Variants in EAF2 observed in about 807,000 individuals in gnomAD.
EAF2 encodes the protein ELL-associated factor 2.
Under a neutral mutation model 29.4 loss-of-function variants are expected in EAF2, and 29 were observed. The observed-to-expected ratio is 0.99, with a 90% CI of 0.73 to 1.35. The LOEUF (loss-of-function observed/expected upper bound fraction) is 1.35, where lower values mean the gene tolerates loss of function less well. Ranked by LOEUF, EAF2 falls within the 40% of genes most tolerant of loss-of-function variation. The probability of loss-of-function intolerance (pLI) is 0.00; values close to 1 mark genes in which losing one functional copy is unlikely to be tolerated. For missense variants in EAF2, 292 were observed against 312.0 expected, an observed-to-expected ratio of 0.94 and a Z score of 0.48; for synonymous variants, 103 against 102.5, an observed-to-expected ratio of 1.00 and a Z score of -0.03.
intron 4 of EAF2, among the ~76,000 whole-genome samples, chr3:121,860,750 G>A (rs1423341542): frequency 6.6e-6 from 1 of 151,844 alleles, no homozygotes; most frequent in Non-Finnish European, 1.5e-5. Flanking sequence ...TTAGTTCTTT[G>A]ACTGGTGATG....
At chr3:121,874,666 T>G (rs879598715) in intron 5 of EAF2, among the ~76,000 whole-genome samples, 1 of 151,928 alleles carries the variant, frequency 6.6e-6, no homozygotes, top group Non-Finnish European at 1.5e-5. Flanking sequence ...TATTTTATAT[T>G]TTAGAATTTC....
intron 4 of EAF2, among the ~76,000 whole-genome samples, chr3:121,863,428 G>A (rs958178578): frequency 6.6e-6 from 1 of 152,186 alleles, no homozygotes; most frequent in African/African-American, 2.4e-5. Context: ...CCTCACTGCT[G>A]CCTTGCAGTT....
At chr3:121,859,357 T>C (rs1576646806) in intron 4 of EAF2, among the ~76,000 whole-genome samples, 2 of 152,144 alleles carry the variant, frequency 1.3e-5, no homozygotes, top group South Asian at 4.2e-4. Context: ...GAGCAGTGGT[T>C]TGTATTTCTG....
rs35521886 is a variant in EAF2, at chr3:121,840,189, GAAAAAAA to G, written c.107-4248_107-4242del. Among the ~76,000 whole-genome samples, 3 of 69,618 alleles carry G rather than the reference GAAAAAAA, an allele frequency of 4.3e-5. No homozygotes were observed. The Admixed American group carries it at 5.7e-4, about 13-fold the overall frequency. 45.7% of individuals were successfully genotyped at this position (69,618 alleles called of 152,430 possible). On this transcript the variant is annotated intron_variant, in intron 1 of 5. Coordinates refer to ENST00000273668, the MANE Select transcript of EAF2 (RefSeq NM_018456.6). The stretch of plus-strand genomic sequence containing the variant: ...GGGCGACAGAGTGAGATTCTCTCAG[GAAAAAAA>G]AAAAAAAAAAAAAAAGCCAGGCGCG...
chr3:121,874,648 G>T (rs1005275647), intron 5 of EAF2, among the ~76,000 whole-genome samples: 6 of 151,840 alleles, frequency 4.0e-5, no homozygotes, highest in Non-Finnish European at 7.4e-5. Context: ...CTTTGAAGGG[G>T]TTCAGGATAT....
At chr3:121,880,253 C>T (rs117280896) in intron 5 of EAF2, among the ~76,000 whole-genome samples, 1 of 152,136 alleles carries the variant, frequency 6.6e-6, no homozygotes, top group East Asian at 1.9e-4. Flanking sequence ...AGTGATCTTC[C>T]CTCCCCAGGC....
At chr3:121,880,199 AT>A (rs1444917014) in intron 5 of EAF2, among the ~76,000 whole-genome samples, 8 of 151,954 alleles carry the variant, frequency 5.3e-5, no homozygotes, top group African/African-American at 1.9e-4. Context: ...CTGAAAGGTA[AT>A]GGCATGATTA....
chr3:121,848,878 GCCC>G (rs35162657), intron 2 of EAF2, among the ~76,000 whole-genome samples: 4 of 150,540 alleles, frequency 2.7e-5, no homozygotes, highest in African/African-American at 7.3e-5. Context: ...TATTTTAAAA[GCCC>G]CCCCCCACAC....
chr3:121,868,270 CAT>C (rs761855961), intron 4 of EAF2, among the ~76,000 whole-genome samples: 4 of 152,038 alleles, frequency 2.6e-5, no homozygotes, highest in South Asian at 2.1e-4. Flanking sequence ...AAAGCACAAA[CAT>C]GTGACCATAT....
At chr3:121,884,010 T>C (rs1709234725) in intron 5 of EAF2, among the ~76,000 whole-genome samples, 1 of 152,160 alleles carries the variant, frequency 6.6e-6, no homozygotes, top group African/African-American at 2.4e-5. Flanking sequence ...TTATGTCATA[T>C]AATAGTTCTG....
At chr3:121,877,759 T>G (rs1709126187) in intron 5 of EAF2, among the ~76,000 whole-genome samples, 1 of 152,026 alleles carries the variant, frequency 6.6e-6, no homozygotes, top group Non-Finnish European at 1.5e-5. Context: ...GGAAATTTAA[T>G]TAATTAATTA....
intron 1 of EAF2, among the ~76,000 whole-genome samples, chr3:121,842,797 C>T (rs541313584): frequency 4.6e-5 from 7 of 152,156 alleles, no homozygotes; most frequent in African/African-American, 1.7e-4. Flanking sequence ...TTATTTCCCT[C>T]AGTCCAAACC....
intron 1 of EAF2, among the ~76,000 whole-genome samples, chr3:121,840,190 A>G (rs1348202865): frequency 1.2e-4 from 3 of 25,910 alleles, no homozygotes; most frequent in East Asian, 4.8e-4. Context: ...TTCTCTCAGG[A>G]AAAAAAAAAA....
At chr3:121,861,154 G>A (rs190768795) in intron 4 of EAF2, among the ~76,000 whole-genome samples, 12 of 152,056 alleles carry the variant, frequency 7.9e-5, no homozygotes, top group Non-Finnish European at 1.6e-4. Context: ...CTGTTGATTT[G>A]GGGTGGAGAG....
intron 5 of EAF2, among the ~76,000 whole-genome samples, chr3:121,880,453 GGGGT>G (rs1709173998): frequency 1.1e-5 from 1 of 92,790 alleles, no homozygotes; most frequent in Admixed American, 1.3e-4. Flanking sequence ...TTAGTGTTTT[GGGGT>G]GTGTGTGTGT....
At chr3:121,854,028 T>C (rs1708675572) in intron 2 of EAF2, among the ~76,000 whole-genome samples, 1 of 152,002 alleles carries the variant, frequency 6.6e-6, no homozygotes, top group Non-Finnish European at 1.5e-5. Context: ...AGAAAGAAGA[T>C]GAGGAGGCTG....
chr3:121,855,548 A>G (rs1232955928), intron 3 of EAF2, among the ~76,000 whole-genome samples: 1 of 152,136 alleles, frequency 6.6e-6, no homozygotes, highest in African/African-American at 2.4e-5. Context: ...GGGAAACTCT[A>G]TTTTTTAATA....
intron 1 of EAF2, among the ~76,000 whole-genome samples, chr3:121,842,637 C>T (rs1559816958): frequency 6.6e-6 from 1 of 152,110 alleles, no homozygotes; most frequent in African/African-American, 2.4e-5. Context: ...CATGTAATAG[C>T]TGTTATTGTT....
chr3:121,839,589 CG>C (rs1307060591), intron 1 of EAF2, among the ~76,000 whole-genome samples: 4 of 151,902 alleles, frequency 2.6e-5, no homozygotes, highest in African/African-American at 9.7e-5. Context: ...AGAAGTATAC[CG>C]GTGAAAAGTA....
Sources: gnomAD v4.1 joint callset for allele counts (sites outside exome capture counted in the v4.1 genomes callset) on GRCh38, gnomAD v4.1.1 for gene constraint, MANE v1.5 for transcripts, NCBI Gene and HGNC (gene_info 2026-07-23, HGNC 2026-07-21) for gene names.